CTNNBL1: variants seen among roughly 807,000 people sequenced by gnomAD.
CTNNBL1 encodes catenin beta like 1.
A neutral mutation model predicts 72.7 loss-of-function variants in CTNNBL1; 31 were observed. The observed-to-expected ratio is 0.43, with a 90% CI of 0.32 to 0.58. CTNNBL1 has a LOEUF of 0.58. Among genes scored for constraint, CTNNBL1 ranks in the 20% least tolerant of loss-of-function variants. CTNNBL1 has a pLI of 0.08. For synonymous variants in CTNNBL1, 240 were observed against 267.3 expected (o/e 0.90, Z 1.00); for missense variants, 534 against 725.1 (o/e 0.74, Z 3.03).
intron 7 of CTNNBL1, among the ~76,000 whole-genome samples, chr20:37,776,776 A>G (rs1047108998): frequency 2.0e-5 from 3 of 152,164 alleles, no homozygotes; most frequent in Non-Finnish European, 4.4e-5. Flanking sequence ...ATTTTTGCAT[A>G]TTTAATGTGG....
intron 1 of CTNNBL1, among the ~76,000 whole-genome samples, chr20:37,710,901 T>C (rs1030880819): frequency 3.9e-5 from 6 of 152,196 alleles, no homozygotes; most frequent in African/African-American, 1.2e-4. Context: ...GACTCTTGGC[T>C]CTCTGTCATA....
At chr20:37,796,890 G>A (rs1319813590) in intron 10 of CTNNBL1, among the ~76,000 whole-genome samples, 1 of 152,138 alleles carries the variant, frequency 6.6e-6, no homozygotes, top group African/African-American at 2.4e-5. Context: ...CCTCTGAAGT[G>A]CACATGTTAC....
At chr20:37,736,060 T>C (rs1242519019) in intron 2 of CTNNBL1, among the ~76,000 whole-genome samples, 1 of 152,248 alleles carries the variant, frequency 6.6e-6, no homozygotes, top group Admixed American at 6.5e-5. Context: ...TTTATTTGCT[T>C]TCATAGGTAT....
At chr20:37,700,638 C>G (rs531891184) in intron 1 of CTNNBL1, among the ~76,000 whole-genome samples, 51 of 152,308 alleles carry the variant, frequency 3.3e-4, no homozygotes, top group Non-Finnish European at 6.0e-4. Context: ...GACATCTCAT[C>G]AAGAAGTGTG....
At chr20:37,836,006 A>G (rs2072250483) in intron 11 of CTNNBL1, among the ~76,000 whole-genome samples, 1 of 152,260 alleles carries the variant, frequency 6.6e-6, no homozygotes, top group Non-Finnish European at 1.5e-5. Context: ...GATGCTCAAT[A>G]AATATCAAGT....
Position 37,872,034 on chromosome 20 carries a change from T to C in CTNNBL1, c.*21T>C. 6.3e-7 allele frequency: 1 copy of C among 1,585,186 alleles called. No homozygotes were observed. The highest frequency in any genetic ancestry group is 2.2e-5 in the East Asian group (1 of 44,726). ...TCTAGAGGCACCTTGGCCCTGCGCA[T>C]CATGGACTCTCTCAGCTTCCCTCCC... On this transcript the variant is annotated 3_prime_UTR_variant, in exon 16 of 16. Coordinates refer to ENST00000361383, the MANE Select transcript of CTNNBL1 (RefSeq NM_030877.5).
intron 11 of CTNNBL1, among the ~76,000 whole-genome samples, chr20:37,814,622 G>C (rs892726415): frequency 2.6e-5 from 4 of 152,170 alleles, no homozygotes; most frequent in Non-Finnish European, 5.9e-5. Flanking sequence ...ATCAATATCA[G>C]CTAAACAGCT....
intron 10 of CTNNBL1, among the ~76,000 whole-genome samples, chr20:37,781,889 G>A (rs1224637465): frequency 6.6e-6 from 1 of 152,174 alleles, no homozygotes; most frequent in African/African-American, 2.4e-5. Context: ...GCAGTATGGA[G>A]CAGGGTGGAA....
intron 10 of CTNNBL1, among the ~76,000 whole-genome samples, chr20:37,796,748 C>A (rs1194808326): frequency 6.6e-6 from 1 of 151,586 alleles, no homozygotes; most frequent in African/African-American, 2.4e-5. Flanking sequence ...TCATTCATCA[C>A]TGGCCGTCAG....
At chr20:37,859,811 G>A (rs1473968817) in intron 13 of CTNNBL1, 88 bp from the exon 14 acceptor site, 28 of 1,335,358 alleles carry the variant, frequency 2.1e-5, no homozygotes, top group Non-Finnish European at 2.4e-5. Context: ...AGTTGCTATT[G>A]TTGTGTGTAT....
intron 11 of CTNNBL1, among the ~76,000 whole-genome samples, chr20:37,830,118 G>A (rs1328854583): frequency 1.8e-5 from 2 of 110,640 alleles, no homozygotes; most frequent in East Asian, 2.8e-4. Context: ...ACAAGCGTGA[G>A]CCAACTGTAA....
At chr20:37,842,510 G>A (rs569087785) in intron 13 of CTNNBL1, 91 bp downstream of exon 13, 2 of 836,012 alleles carry the variant, frequency 2.4e-6, no homozygotes, top group South Asian at 2.8e-5. Flanking sequence ...GGATAGGTAA[G>A]GGCAGCAGTG....
intron 11 of CTNNBL1, among the ~76,000 whole-genome samples, chr20:37,807,759 T>A (rs1250889800): frequency 2.6e-5 from 4 of 152,166 alleles, no homozygotes; most frequent in Admixed American, 2.0e-4. Context: ...GGGGAGGCAC[T>A]AAGCTTGTGG....
Position 37,852,212 on chromosome 20 carries a change from T to C in CTNNBL1, c.1393-7687T>C, listed in dbSNP as rs570417777. On this transcript the variant is annotated intron_variant, in intron 13 of 15. Coordinates refer to ENST00000361383, the MANE Select transcript of CTNNBL1 (RefSeq NM_030877.5). ...GTTCAGATACAGTCCAACGTACATA[T>C]AGATTTTCACTCTGAAGTTTTGTAA... Among the ~76,000 whole-genome samples, 13 of 152,358 alleles carry C rather than the reference T, an allele frequency of 8.5e-5. No individual in the cohort carries two copies. In the East Asian group the frequency reaches 1.5e-3, roughly 18 times the overall value.
At chr20:37,783,591 AT>A (rs1241273288) in intron 10 of CTNNBL1, among the ~76,000 whole-genome samples, 1 of 151,888 alleles carries the variant, frequency 6.6e-6, no homozygotes, top group Non-Finnish European at 1.5e-5. Context: ...GACTGTTTTA[AT>A]TTCTTTCTTA....
At position 37,757,596 on chromosome 20, in the gene CTNNBL1, A is replaced by G; in HGVS notation, c.504A>G (p.Leu168=). Residue 168 remains leucine, a synonymous_variant, in exon 5 of 16, where the codon TTA becomes TTG. Coordinates refer to ENST00000361383, the MANE Select transcript of CTNNBL1 (RefSeq NM_030877.5). ...SIAVVDLLQE[L]TDIDTLHESE... is the part of the protein sequence containing the mutation. ...CTGTGGTCGATTTGCTTCAGGAATT[A>G]ACAGATATAGACACCCTCCATGAGA... The G allele has an allele frequency of 1.2e-6, 2 of 1,613,898 alleles. No individual in the cohort carries two copies. The highest frequency in any genetic ancestry group is 3.3e-5 in the Admixed American group (2 of 60,024).
At chr20:37,707,328 TC>T (rs2072894768) in intron 1 of CTNNBL1, among the ~76,000 whole-genome samples, 1 of 152,210 alleles carries the variant, frequency 6.6e-6, no homozygotes. Context: ...ACATTGAAAA[TC>T]TGTTGTTTAG....
chr20:37,804,097 G>T (rs2071930972), intron 11 of CTNNBL1, among the ~76,000 whole-genome samples: 1 of 152,140 alleles, frequency 6.6e-6, no homozygotes, highest in African/African-American at 2.4e-5. Flanking sequence ...CAGGAAATCT[G>T]GCTGGAGCAA....
intron 15 of CTNNBL1, among the ~76,000 whole-genome samples, chr20:37,866,150 G>A (rs2072535223): frequency 6.6e-6 from 1 of 152,244 alleles, no homozygotes; most frequent in South Asian, 2.1e-4. Flanking sequence ...TAGCCCTGTA[G>A]CCAGCGGCCT....
Sources: allele counts gnomAD v4.1 joint callset (sites outside exome capture counted in the v4.1 genomes callset), GRCh38; gene constraint gnomAD v4.1.1; transcripts MANE v1.5; gene names NCBI Gene and HGNC (gene_info 2026-07-23, HGNC 2026-07-21).